The following DSTYK variants were observed in gnomAD, a reference collection of about 807,000 sequenced individuals.
DSTYK encodes RIP-homologous kinase.
In DSTYK, 34 loss-of-function variants were observed where a neutral mutation model predicts 98.7. That is an observed-to-expected ratio of 0.34 (90% confidence interval 0.26 to 0.46). The LOEUF (loss-of-function observed/expected upper bound fraction) is 0.46, where lower values mean the gene tolerates loss of function less well. Ranked by LOEUF, DSTYK falls within the 20% of genes least tolerant of loss-of-function variation. The pLI, the probability that DSTYK is intolerant of heterozygous loss-of-function variation, is 1.00. For synonymous variants in DSTYK, 462 were observed against 457.3 expected, an observed-to-expected ratio of 1.01 and a Z score of -0.13; for missense variants, 962 against 1,181.7, an observed-to-expected ratio of 0.81 and a Z score of 2.73.
intron 1 of DSTYK, among the ~76,000 whole-genome samples, chr1:205,211,059 C>T (rs879715771): frequency 6.6e-6 from 1 of 152,242 alleles, no homozygotes; most frequent in East Asian, 1.9e-4. Flanking sequence ...GGCTCCCGGT[C>T]CCCCAGCGGG....
At chr1:205,197,279 G>A (rs1658896290) in intron 1 of DSTYK, among the ~76,000 whole-genome samples, 1 of 152,118 alleles carries the variant, frequency 6.6e-6, no homozygotes, top group African/African-American at 2.4e-5. Flanking sequence ...CCTTGTTTGG[G>A]AGGAATGCAT....
At chr1:205,160,791 T>G (rs1369785123) in intron 7 of DSTYK, among the ~76,000 whole-genome samples, 1 of 151,746 alleles carries the variant, frequency 6.6e-6, no homozygotes, top group East Asian at 1.9e-4. Context: ...TTTTGTTGTT[T>G]TTTTTTTTGG....
chr1:205,203,722 C>A (rs1423062713), intron 1 of DSTYK, among the ~76,000 whole-genome samples: 1 of 151,904 alleles, frequency 6.6e-6, no homozygotes. Context: ...TCCAGACCAG[C>A]CTGACCAATA....
At chr1:205,198,997 A>G (rs902502761) in intron 1 of DSTYK, among the ~76,000 whole-genome samples, 1 of 152,186 alleles carries the variant, frequency 6.6e-6, no homozygotes, top group African/African-American at 2.4e-5. Context: ...AAAGTTAGAC[A>G]CTTTGAGGAT....
chr1:205,158,872 T>C (rs1401100015), intron 9 of DSTYK, among the ~76,000 whole-genome samples: 1 of 152,182 alleles, frequency 6.6e-6, no homozygotes, highest in Non-Finnish European at 1.5e-5. Context: ...CTGGACCTTG[T>C]ACAAAGCAGT....
At chr1:205,193,500 C>A (rs1658772692) in intron 1 of DSTYK, among the ~76,000 whole-genome samples, 1 of 152,094 alleles carries the variant, frequency 6.6e-6, no homozygotes, top group Non-Finnish European at 1.5e-5. Flanking sequence ...CTTCTCCTAG[C>A]CTCCTGTCTG....
intron 1 of DSTYK, among the ~76,000 whole-genome samples, chr1:205,201,767 A>G (rs1380950023): frequency 6.6e-6 from 1 of 152,160 alleles, no homozygotes; most frequent in African/African-American, 2.4e-5. Context: ...CAGCTATCAT[A>G]CAAAAGAAAA....
At chr1:205,157,229 C>T (rs780700974) in intron 10 of DSTYK, 44 bp downstream of exon 10, 1 of 1,544,402 alleles carries the variant, frequency 6.5e-7, no homozygotes, top group South Asian at 1.1e-5. Flanking sequence ...AATCACTCAG[C>T]CACAGAGGTA....
At chr1:205,179,156 C>A (rs2102432735) in intron 2 of DSTYK, among the ~76,000 whole-genome samples, 1 of 151,544 alleles carries the variant, frequency 6.6e-6, no homozygotes, top group South Asian at 2.1e-4. Context: ...GGAATTATAG[C>A]CCCATCTTAC....
intron 1 of DSTYK, 83 bp downstream of exon 1, chr1:205,211,188 G>C: frequency 1.4e-6 from 2 of 1,481,034 alleles, no homozygotes; most frequent in Non-Finnish European, 1.8e-6. Flanking sequence ...GAGAAGACTC[G>C]GGCTTGTTTT....
intron 1 of DSTYK, among the ~76,000 whole-genome samples, chr1:205,207,755 CAAAAAAAAAAAAAAAAAAAA>C (rs766036213): frequency 6.6e-4 from 35 of 52,724 alleles, no homozygotes; most frequent in South Asian, 8.0e-4. Context: ...GACTCTGTCT[CAAAAAAAAAAAAAAAAAAAA>C]AAAAAAAAAA....
At chr1:205,196,758 ATTTTTTT>A (rs113524415) in intron 1 of DSTYK, among the ~76,000 whole-genome samples, 6 of 109,858 alleles carry the variant, frequency 5.5e-5, no homozygotes, top group East Asian at 2.9e-4. Flanking sequence ...AAAATGGTGA[ATTTTTTT>A]TTTTTTTTTT....
chr1:205,207,097 G>A (rs1001035575), intron 1 of DSTYK, among the ~76,000 whole-genome samples: 1 of 79,954 alleles, frequency 1.3e-5, no homozygotes, highest in Non-Finnish European at 3.1e-5. Context: ...TTTTTTTTTT[G>A]AGACAGAGTC....
At chr1:205,201,922 G>T (rs1382319265) in intron 1 of DSTYK, among the ~76,000 whole-genome samples, 1 of 152,108 alleles carries the variant, frequency 6.6e-6, no homozygotes, top group East Asian at 1.9e-4. Flanking sequence ...AGCCGGTCGT[G>T]GTGGTGCATG....
At chr1:205,184,326 A>G (rs3927069) in intron 2 of DSTYK, among the ~76,000 whole-genome samples, 29,812 of 151,948 alleles carry the variant, frequency 0.2, 3,242 homozygotes, top group East Asian at 0.4. Context: ...TAATCCCAGC[A>G]CTTTGGGAGG....
rs1657664541 is a variant in DSTYK at position 205,159,775 on chromosome 1, T to C, written c.2106-96A>G. 3.3e-6 allele frequency: 5 copies of C among 1,512,216 alleles called. No homozygotes were observed. The African/African-American group carries it at 5.5e-5, about 17-fold the overall frequency. The allele number at this position is 1,512,216 out of a possible 1,614,324, so 93.7% of individuals were successfully genotyped here. On this transcript the variant is annotated intron_variant, in intron 8 of 12. Coordinates refer to ENST00000367162, the MANE Select transcript of DSTYK (RefSeq NM_015375.3). The stretch of plus-strand genomic sequence containing the variant: ...GAGACAATAATTTCCAGACCATGCT[T>C]AGGACAGGTCCAGAGGTAATGGCCC...
intron 2 of DSTYK, chr1:205,173,250 C>T (rs1247541308): frequency 6.6e-6 from 1 of 151,822 alleles, no homozygotes; most frequent in East Asian, 1.9e-4. Context: ...AAAAATTAGC[C>T]AGACATGCTG....
chr1:205,154,056 CGTGTGTGTGTGTGT>C (rs34909035), intron 10 of DSTYK, among the ~76,000 whole-genome samples: 1 of 143,550 alleles, frequency 7.0e-6, no homozygotes, highest in East Asian at 2.1e-4. Context: ...AGTATGCACA[CGTGTGTGTGTGTGT>C]GTGTGTGTGT....
chr1:205,190,092 T>A (rs1379238286), intron 1 of DSTYK, among the ~76,000 whole-genome samples: 1 of 152,116 alleles, frequency 6.6e-6, no homozygotes, highest in African/African-American at 2.4e-5. Context: ...CTGTTTATAA[T>A]CATCTAAAGC....
Sources: allele counts gnomAD v4.1 joint callset (sites outside exome capture counted in the v4.1 genomes callset), GRCh38; gene constraint gnomAD v4.1.1; transcripts MANE v1.5; gene names NCBI Gene and HGNC (gene_info 2026-07-23, HGNC 2026-07-21).